HS3ST5: variants seen among roughly 807,000 people sequenced by gnomAD.
The protein encoded by HS3ST5 is heparan sulfate glucosamine 3-O-sulfotransferase 5.
A neutral mutation model predicts 25.4 loss-of-function variants in HS3ST5; 10 were observed. The observed-to-expected ratio is 0.39, with a 90% confidence interval of 0.24 to 0.67. The LOEUF (loss-of-function observed/expected upper bound fraction) is 0.67. Among genes scored for constraint, HS3ST5 ranks in the 30% least tolerant of loss-of-function variants. The pLI is 0.44. For synonymous variants in HS3ST5, 170 were observed against 162.4 expected (o/e 1.05, Z -0.36); for missense variants, 324 against 420.7 (o/e 0.77, Z 2.01).
chr6:114,070,524 C>G (rs1582563747), intron 3 of HS3ST5, among the ~76,000 whole-genome samples: 1 of 152,148 alleles, frequency 6.6e-6, no homozygotes. Context: ...CAAGAACTAT[C>G]TCTTAGAAAG....
intron 3 of HS3ST5, among the ~76,000 whole-genome samples, chr6:114,078,745 A>C (rs937923779): frequency 3.3e-5 from 5 of 152,114 alleles, no homozygotes; most frequent in Admixed American, 2.6e-4. Flanking sequence ...TGCTGGGTAA[A>C]TTCATCCCCT....
At chr6:114,196,400 T>C (rs1780758407) in intron 2 of HS3ST5, among the ~76,000 whole-genome samples, 1 of 152,104 alleles carries the variant, frequency 6.6e-6, no homozygotes, top group Non-Finnish European at 1.5e-5. Flanking sequence ...AAAAAGATCT[T>C]TCCATACCCG....
intron 1 of HS3ST5, among the ~76,000 whole-genome samples, chr6:114,229,868 T>C (rs149763706): frequency 9.9e-5 from 15 of 152,054 alleles, no homozygotes; most frequent in African/African-American, 3.6e-4. Flanking sequence ...CACAAAGATA[T>C]AGGGCCTGTG....
intron 3 of HS3ST5, among the ~76,000 whole-genome samples, chr6:114,136,432 C>T (rs942917884): frequency 6.6e-6 from 1 of 152,208 alleles, no homozygotes; most frequent in Non-Finnish European, 1.5e-5. Flanking sequence ...GCCTCCCCAG[C>T]CATGTGGAGC....
chr6:114,224,783 G>T (rs1377919523), intron 2 of HS3ST5, among the ~76,000 whole-genome samples: 1 of 150,958 alleles, frequency 6.6e-6, no homozygotes, highest in African/African-American at 2.4e-5. Flanking sequence ...ACATTGTCAG[G>T]ACATTATACT....
chr6:114,169,780 T>C (rs2115000882), intron 2 of HS3ST5, among the ~76,000 whole-genome samples: 1 of 152,320 alleles, frequency 6.6e-6, no homozygotes, highest in South Asian at 2.1e-4. Context: ...TTCATTATAC[T>C]GTAGAGCTTG....
intron 1 of HS3ST5, among the ~76,000 whole-genome samples, chr6:114,264,952 T>C (rs1450487773): frequency 6.6e-6 from 1 of 152,174 alleles, no homozygotes; most frequent in Non-Finnish European, 1.5e-5. Flanking sequence ...CGATCATAGC[T>C]CACTGCAGCT....
intron 1 of HS3ST5, among the ~76,000 whole-genome samples, chr6:114,306,604 A>T (rs1199610701): frequency 6.6e-6 from 1 of 152,086 alleles, no homozygotes; most frequent in Non-Finnish European, 1.5e-5. Context: ...GACTAAAAAC[A>T]TTCTCAATAT....
At chr6:114,079,776 C>A (rs933783388) in intron 3 of HS3ST5, among the ~76,000 whole-genome samples, 4 of 152,048 alleles carry the variant, frequency 2.6e-5, no homozygotes, top group Admixed American at 1.3e-4. Context: ...CTTTTCTTTT[C>A]TTTTCTTTTT....
At chr6:114,122,405 C>T (rs993328749) in intron 3 of HS3ST5, among the ~76,000 whole-genome samples, 4 of 152,060 alleles carry the variant, frequency 2.6e-5, no homozygotes, top group Admixed American at 2.6e-4. Flanking sequence ...TAAACTCTAC[C>T]CTCATGGGGT....
At chr6:114,157,054 C>A (rs1336527812) in intron 3 of HS3ST5, among the ~76,000 whole-genome samples, 1 of 152,192 alleles carries the variant, frequency 6.6e-6, no homozygotes, top group Non-Finnish European at 1.5e-5. Flanking sequence ...TCAACCTTAA[C>A]ATGCCCAGTG....
intron 3 of HS3ST5, among the ~76,000 whole-genome samples, chr6:114,073,015 A>G (rs1038573750): frequency 9.1e-4 from 138 of 152,342 alleles, no homozygotes; most frequent in Middle Eastern, 3.4e-3. Context: ...CTGATCTTTG[A>G]CAAACCTGAC....
intron 3 of HS3ST5, among the ~76,000 whole-genome samples, chr6:114,087,170 C>T (rs1424159437): frequency 1.3e-5 from 2 of 152,166 alleles, no homozygotes; most frequent in African/African-American, 4.8e-5. Flanking sequence ...CCAATTCACC[C>T]TTAATTGCCT....
intron 3 of HS3ST5, among the ~76,000 whole-genome samples, chr6:114,097,195 G>C (rs891483850): frequency 6.6e-6 from 1 of 151,722 alleles, no homozygotes; most frequent in African/African-American, 2.4e-5. Context: ...TATATAATTG[G>C]ATATTAGGTT....
intron 1 of HS3ST5, among the ~76,000 whole-genome samples, chr6:114,340,137 T>A (rs1776766503): frequency 6.6e-6 from 1 of 152,114 alleles, no homozygotes; most frequent in Non-Finnish European, 1.5e-5. Flanking sequence ...AGGACAATGA[T>A]AAAAGCATAA....
chr6:114,206,784 A>G (rs913889092), intron 2 of HS3ST5, among the ~76,000 whole-genome samples: 13 of 152,348 alleles, frequency 8.5e-5, no homozygotes, highest in Non-Finnish European at 1.5e-4. Context: ...AATGAAAGGA[A>G]CAGAGAAAAA....
At chr6:114,327,980 C>CTA (rs1776238373) in intron 1 of HS3ST5, among the ~76,000 whole-genome samples, 1 of 151,980 alleles carries the variant, frequency 6.6e-6, no homozygotes, top group Non-Finnish European at 1.5e-5. Flanking sequence ...TATAGGCTCA[C>CTA]ACTTAGTAAG....
chr6:114,057,033 G>A lies in HS3ST5; in HGVS notation c.*224C>T. On this transcript the variant is annotated 3_prime_UTR_variant, in exon 5 of 5. Coordinates refer to ENST00000312719, the MANE Select transcript of HS3ST5 (RefSeq NM_153612.4). ...CCAATACCACCACCTCTTCTCTTTT[G>A]TAAATAGCTTAAAAGATGCGACTAT... 1 of 432,732 alleles carries A rather than the reference G, an allele frequency of 2.3e-6. No individual in the cohort carries two copies. Among genetic ancestry groups the A allele is most frequent in the East Asian group, 3.4e-5 (1 of 29,578 alleles). 26.8% of individuals were successfully genotyped at this position (432,732 alleles called of 1,614,324 possible).
At chr6:114,092,142 G>A (rs774133222) in intron 3 of HS3ST5, among the ~76,000 whole-genome samples, 11 of 152,294 alleles carry the variant, frequency 7.2e-5, no homozygotes, top group Admixed American at 3.3e-4. Flanking sequence ...CTTTGTAAAA[G>A]TAAAGAGCTG....
Sources: gnomAD v4.1 joint callset for allele counts (sites outside exome capture counted in the v4.1 genomes callset) on GRCh38, gnomAD v4.1.1 for gene constraint, MANE v1.5 for transcripts, NCBI Gene and HGNC (gene_info 2026-07-23, HGNC 2026-07-21) for gene names.